The following SEPTIN12 variants were observed in gnomAD, a reference collection of about 807,000 sequenced individuals.
The protein encoded by SEPTIN12 is septin 12.
Under a neutral mutation model 37.7 loss-of-function variants are expected in SEPTIN12, and 42 were observed. That is an observed-to-expected ratio of 1.11 (90% CI 0.87 to 1.44). The LOEUF (loss-of-function observed/expected upper bound fraction) is 1.44, where lower values mean the gene tolerates loss of function less well. Ranked by LOEUF, SEPTIN12 falls within the 40% of genes most tolerant of loss-of-function variation. SEPTIN12 has a pLI of 0.00. For missense variants in SEPTIN12, 613 were observed against 479.2 expected (o/e 1.28, Z -2.61); for synonymous variants, 254 against 196.7 (o/e 1.29, Z -2.44).
chr16:4,781,736 C>A (rs892324382), intron 7 of SEPTIN12, among the ~76,000 whole-genome samples: 3 of 150,590 alleles, frequency 2.0e-5, no homozygotes, highest in African/African-American at 7.4e-5. Context: ...TCTCCATCTC[C>A]TGGGTTCAAG....
chr16:4,786,870 A>T (rs1174407437), intron 2 of SEPTIN12, among the ~76,000 whole-genome samples: 1 of 150,738 alleles, frequency 6.6e-6, no homozygotes, highest in Non-Finnish European at 1.5e-5. Context: ...CTGGTCATGA[A>T]CTCCTGGCCT....
upstream of SEPTIN12, among the ~76,000 whole-genome samples, chr16:4,790,339 T>A (rs2082532818): frequency 6.6e-6 from 1 of 152,164 alleles, no homozygotes; most frequent in Non-Finnish European, 1.5e-5. Flanking sequence ...CGTGGCTGTG[T>A]CTAAGTAAAA....
chr16:4,787,536 T>G lies in SEPTIN12; in HGVS notation c.110A>C (p.Asp37Ala), dbSNP rs139386680. The G allele has an allele frequency of 1.6e-4, 264 of 1,612,846 alleles. 1 individual carries two copies. Among genetic ancestry groups the G allele is most frequent in the Non-Finnish European group, 2.0e-4 (239 of 1,179,982 alleles). ...CTTCATAGCCTTGATCTTCAGCTGG[T>G]CCAGCACAGCCTCAATGCCCACAGG... ...LGPVGIEAVLDQLKIKAMKMG... is the reference protein window; with the variant it reads ...LGPVGIEAVLAQLKIKAMKMG... The change falls in exon 2 of 10, where the codon GAC becomes GCC. Residue 37 changes from aspartate (D) to alanine (A), a missense_variant. Asp to Ala is a moderately radical substitution (Grantham distance 126). Coordinates refer to ENST00000268231, the MANE Select transcript of SEPTIN12 (RefSeq NM_144605.5).
rs1383922506 is a variant in SEPTIN12 at position 4,787,596 on chromosome 16, G to C, written c.50C>G (p.Ser17Cys). ...CTCGCAGGGTGGGGTGCTGGGGCTGGAGGGCTGCGAGGACAGGCAGGGAGA... is the reference window on the plus strand; with the variant it reads ...CTCGCAGGGTGGGGTGCTGGGGCTGCAGGGCTGCGAGGACAGGCAGGGAGA... ...SPSPCLSSQP[S>C]SPSTPPCEML... Residue 17 changes from serine (S) to cysteine (C), a missense_variant, in exon 2 of 10, where the codon TCC (serine) becomes TGC (cysteine). Coordinates refer to ENST00000268231, the MANE Select transcript of SEPTIN12 (RefSeq NM_144605.5). 1.9e-6 allele frequency: 3 copies of C among 1,605,570 alleles called. No individual in the cohort carries two copies. Among genetic ancestry groups the C allele is most frequent in the African/African-American group, 2.7e-5 (2 of 74,932 alleles).
In SEPTIN12 at chr16:4,787,569, A is replaced by C. The variant is rs1257036843; in HGVS notation, c.77T>G (p.Met26Arg). 6.2e-6 allele frequency: 10 copies of C among 1,610,580 alleles called. 1 individual carries two copies. In the South Asian group the frequency reaches 1.1e-4, roughly 18 times the overall value. Residue 26 changes from methionine (M) to arginine (R), a missense_variant, in exon 2 of 10, where the codon ATG (methionine) becomes AGG (arginine). Met to Arg is a moderately conservative substitution (Grantham distance 91). Coordinates refer to ENST00000268231, the MANE Select transcript of SEPTIN12 (RefSeq NM_144605.5). Reference protein sequence around the residue: ...PSSPSTPPCEMLGPVGIEAVL... With the variant: ...PSSPSTPPCERLGPVGIEAVL... Reference sequence around the variant, plus strand: ...AGCCTCAATGCCCACAGGACCAAGCATCTCGCAGGGTGGGGTGCTGGGGCT... The same window carrying C: ...AGCCTCAATGCCCACAGGACCAAGCCTCTCGCAGGGTGGGGTGCTGGGGCT...
At chr16:4,778,060 T>G in intron 9 of SEPTIN12, 26 bp downstream of exon 9, 1 of 1,612,582 alleles carries the variant, frequency 6.2e-7, no homozygotes, top group Non-Finnish European at 8.5e-7. Flanking sequence ...GCCAGCCCCC[T>G]AGCCCCAGGC....
chr16:4,788,668 T>C (rs1408768204), upstream of SEPTIN12: 1 of 152,170 alleles, frequency 6.6e-6, no homozygotes, highest in Non-Finnish European at 1.5e-5. Flanking sequence ...GTCAAAAACA[T>C]GAAGAGATTG....
In SEPTIN12 at chr16:4,787,641, T is replaced by C. The variant is rs777620913; in HGVS notation, c.5A>G (p.Asp2Gly). 1.3e-6 allele frequency: 2 copies of C among 1,575,318 alleles called. No individual in the cohort carries two copies. The highest frequency in any genetic ancestry group is 3.4e-5 in the Admixed American group (2 of 58,492). Residue 2 changes from aspartate (D) to glycine (G), a missense_variant, in exon 2 of 10, where the codon GAC (aspartate) becomes GGC (glycine). Physicochemically the swap from Asp to Gly is moderately conservative, Grantham distance 94. Transcript: ENST00000268231. ...GGGAGAGGGGGAGCGCCTCAGGGGG[T>C]CCATGGGGGCCAAGGGTTCGAGATG... Reference protein sequence around the residue: MDPLRRSPSPCL... With the variant: MGPLRRSPSPCL...
chr16:4,783,857 C>T lies in SEPTIN12; in HGVS notation c.512+74G>A, dbSNP rs2082402571. 9.3e-6 allele frequency: 15 copies of T among 1,605,210 alleles called. No homozygotes were observed. The South Asian group carries it at 1.3e-4, about 14-fold the overall frequency. ...CACGGGGGTGGGGGCAGCCGGCAGC[C>T]CATGGTGGGGACCCCTTCTCCTCCT... On this transcript the variant is annotated intron_variant, in intron 5 of 9. Coordinates refer to ENST00000268231, the MANE Select transcript of SEPTIN12 (RefSeq NM_144605.5).
chr16:4,784,785 A>G (rs1016769351), intron 4 of SEPTIN12, among the ~76,000 whole-genome samples: 5 of 148,442 alleles, frequency 3.4e-5, no homozygotes, highest in African/African-American at 1.3e-4. Context: ...AAATAAATAA[A>G]TAAATAAATA....
chr16:4,791,325 T>C (rs1395832093), upstream of SEPTIN12, among the ~76,000 whole-genome samples: 3 of 152,016 alleles, frequency 2.0e-5, no homozygotes, highest in African/African-American at 7.2e-5. Flanking sequence ...GCAGCGTGAC[T>C]ATGGTGGAAG....
intron 8 of SEPTIN12, 37 bp downstream of exon 8, chr16:4,779,653 A>C (rs1370413864): frequency 1.5e-6 from 2 of 1,325,040 alleles, no homozygotes; most frequent in Admixed American, 3.4e-5. Context: ...TTCCAAACTG[A>C]CCCCACCTGC....
intron 7 of SEPTIN12, 89 bp from the exon 8 acceptor site, chr16:4,779,875 G>T: frequency 3.6e-6 from 3 of 825,564 alleles, no homozygotes; most frequent in South Asian, 2.8e-5. Flanking sequence ...GGAGAGGGGA[G>T]TCCTATCCTT....
At chr16:4,783,219 T>C (rs9941057) in intron 7 of SEPTIN12, 1 of 531,972 alleles carries the variant, frequency 1.9e-6, no homozygotes, top group Non-Finnish European at 3.4e-6. Flanking sequence ...CAATGTTCTC[T>C]ATATATTCAG....
At chr16:4,789,962 T>A (rs2082526466), upstream of SEPTIN12, 1 of 151,774 alleles carries the variant, frequency 6.6e-6, no homozygotes, top group South Asian at 2.1e-4. Flanking sequence ...TCACCCAAGT[T>A]GGAGTGCAGA....
chr16:4,791,320 G>C (rs551145303), upstream of SEPTIN12, among the ~76,000 whole-genome samples: 1 of 152,180 alleles, frequency 6.6e-6, no homozygotes, highest in South Asian at 2.1e-4. Context: ...TCTATGCAGC[G>C]TGACTATGGT....
chr16:4,789,541 T>C (rs991860658), upstream of SEPTIN12, among the ~76,000 whole-genome samples: 2 of 152,136 alleles, frequency 1.3e-5, no homozygotes, highest in African/African-American at 4.8e-5. Context: ...TTAGCCAGGA[T>C]GGTCTCGATC....
chr16:4,791,045 T>C (rs1410157127), upstream of SEPTIN12, among the ~76,000 whole-genome samples: 1 of 152,204 alleles, frequency 6.6e-6, no homozygotes, highest in African/African-American at 2.4e-5. Context: ...ACGTGTGGAC[T>C]GCGTTTGAGC....
chr16:4,788,221 G>T, intron 1 of SEPTIN12, 59 bp downstream of exon 1: 1 of 155,934 alleles, frequency 6.4e-6, no homozygotes. Context: ...TGGCTGGGAG[G>T]GAGCGGTGCG....
Sources: allele counts gnomAD v4.1 joint callset (sites outside exome capture counted in the v4.1 genomes callset), GRCh38; gene constraint gnomAD v4.1.1; transcripts MANE v1.5; gene names NCBI Gene and HGNC (gene_info 2026-07-23, HGNC 2026-07-21).